The following DPYD variants were observed in gnomAD, a reference collection of about 807,000 sequenced individuals.
DPYD encodes the protein dihydropyrimidine dehydrogenase.
Under a neutral mutation model 116.2 loss-of-function variants are expected in DPYD, and 109 were observed. The ratio of observed to expected loss-of-function variants is 0.94; its 90% CI spans 0.80 to 1.10. DPYD has a LOEUF of 1.10. Ranked by LOEUF, DPYD falls within the 50% of genes least tolerant of loss-of-function variation. The probability of loss-of-function intolerance (pLI) is 0.00; values close to 1 mark genes in which losing one functional copy is unlikely to be tolerated. For synonymous variants in DPYD, 440 were observed against 432.0 expected (o/e 1.02, Z -0.23); for missense variants, 1,302 against 1,254.5 (o/e 1.04, Z -0.57).
At chr1:97,220,438 T>C (rs77658523) in intron 19 of DPYD, among the ~76,000 whole-genome samples, 3,294 of 152,198 alleles carry the variant, frequency 0.022, 98 homozygotes, top group African/African-American at 0.057. Flanking sequence ...TTGCCCAGCT[T>C]TGAGTATTCT....
chr1:97,543,763 AT>A (rs2102063519), intron 12 of DPYD, among the ~76,000 whole-genome samples: 1 of 152,292 alleles, frequency 6.6e-6, no homozygotes, highest in East Asian at 1.9e-4. Context: ...ATTTCTGCAT[AT>A]TTTTCCTATG....
In DPYD at chr1:97,693,321, A is replaced by G. The variant is rs1484560663; in HGVS notation, c.681-1523T>C. Among the ~76,000 whole-genome samples, 95 of 149,170 alleles carry G rather than the reference A, an allele frequency of 6.4e-4. 4 individuals are homozygous for G. Among genetic ancestry groups the G allele is most frequent in the Admixed American group, 4.1e-3 (62 of 14,976 alleles). On this transcript the variant is annotated intron_variant, in intron 6 of 22. Transcript: ENST00000370192. ...AAAAAAAAAAAAAAAAAAAAAACCAAAAAAGAAAATGCAAGGTATCAAACA... is the reference window on the plus strand; with the variant it reads ...AAAAAAAAAAAAAAAAAAAAAACCAGAAAAGAAAATGCAAGGTATCAAACA...
intron 12 of DPYD, among the ~76,000 whole-genome samples, chr1:97,537,093 G>A (rs6668162): frequency 0.025 from 3,865 of 152,200 alleles, 165 homozygotes; most frequent in African/African-American, 0.089. Flanking sequence ...ATTTAAAGTT[G>A]GGACTGAAGG....
rs552760774 is a variant in DPYD, at chr1:97,229,386, A to G, written c.2442+5466T>C. ...TAATAATATTCAACAGCTTAAAACT[A>G]TACTGAACGAAAGGTTAGGTTAACC... On this transcript the variant is annotated intron_variant, in intron 19 of 22. Transcript: ENST00000370192. 1.6e-3 allele frequency among the ~76,000 whole-genome samples: 241 copies of G among 150,408 alleles called. 1 individual carries two copies. The highest frequency in any genetic ancestry group is 5.7e-3 in the African/African-American group (234 of 41,196).
intron 20 of DPYD, among the ~76,000 whole-genome samples, chr1:97,165,977 T>C (rs1321717972): frequency 6.6e-6 from 1 of 151,910 alleles, no homozygotes; most frequent in South Asian, 2.1e-4. Context: ...ACTGTTGGTG[T>C]GAGTGTCAAT....
At chr1:97,153,755 G>A (rs1005802685) in intron 20 of DPYD, among the ~76,000 whole-genome samples, 7 of 151,876 alleles carry the variant, frequency 4.6e-5, no homozygotes, top group Non-Finnish European at 8.8e-5. Context: ...TACATCCAAC[G>A]AAGGACTAAT....
In DPYD at chr1:97,374,718, GAAAAAAAAAAAAAA is replaced by G. The variant is rs144889184; in HGVS notation, c.1975-1088_1975-1075del. Among the ~76,000 whole-genome samples the G allele has an allele frequency of 2.7e-4, 14 of 52,610 alleles. 2 individuals are homozygous for G. The highest frequency in any genetic ancestry group is 8.8e-4 in the East Asian group (1 of 1,136). 34.5% of individuals were successfully genotyped at this position (52,610 alleles called of 152,430 possible). A position where few individuals can be genotyped will look rare whatever the true frequency, so the allele number is the denominator to read the frequency against. On this transcript the variant is annotated intron_variant, in intron 15 of 22. Transcript: ENST00000370192. The stretch of plus-strand genomic sequence containing the variant: ...TGGGAAAGAGCAAGACTCCGTCTCA[GAAAAAAAAAAAAAA>G]AAAAAAAAAAAAAAAAAGTTATTAT...
intron 1 of DPYD, 105 bp from the exon 2 acceptor site, chr1:97,883,479 C>T (rs1672330203): frequency 2.3e-6 from 2 of 876,794 alleles, no homozygotes; most frequent in Non-Finnish European, 1.8e-6. Flanking sequence ...GTCTCTCTCA[C>T]TTTGTCACCC....
intron 3 of DPYD, among the ~76,000 whole-genome samples, chr1:97,813,453 C>A (rs1380507961): frequency 6.6e-6 from 1 of 152,016 alleles, no homozygotes; most frequent in Non-Finnish European, 1.5e-5. Context: ...TATTGTAAAT[C>A]ATTTTTCTTT....
rs1233248335 is a variant in DPYD at position 97,081,561 on chromosome 1, TA to T, written c.2907+768del. Among the ~76,000 whole-genome samples, 7 of 152,026 alleles carry T rather than the reference TA, an allele frequency of 4.6e-5. No homozygotes were observed. The East Asian group carries it at 1.3e-3, about 29-fold the overall frequency. ...AAAGTCATAGTTGTGCCAAACTCTT[TA>T]AAAAATAGCAGGTTATAAATATATA... On this transcript the variant is annotated intron_variant, in intron 22 of 22. Coordinates refer to ENST00000370192, the MANE Select transcript of DPYD (RefSeq NM_000110.4).
At chr1:97,527,878 A>T (rs1649271289) in intron 12 of DPYD, among the ~76,000 whole-genome samples, 1 of 152,078 alleles carries the variant, frequency 6.6e-6, no homozygotes, top group Non-Finnish European at 1.5e-5. Flanking sequence ...ATTGAAGAAG[A>T]AATCACCATC....
intron 16 of DPYD, among the ~76,000 whole-genome samples, chr1:97,354,199 T>C (rs1165865578): frequency 6.6e-6 from 1 of 152,184 alleles, no homozygotes; most frequent in East Asian, 1.9e-4. Flanking sequence ...TCCAGAACCG[T>C]TCGCCATTTG....
At chr1:97,579,918 G>T (rs1653524735) in intron 10 of DPYD, among the ~76,000 whole-genome samples, 1 of 152,152 alleles carries the variant, frequency 6.6e-6, no homozygotes, top group Non-Finnish European at 1.5e-5. Context: ...TCCATATTCA[G>T]GAAAGATATG....
At chr1:97,894,229 C>T (rs1672935805) in intron 1 of DPYD, among the ~76,000 whole-genome samples, 1 of 151,720 alleles carries the variant, frequency 6.6e-6, no homozygotes, top group African/African-American at 2.4e-5. Context: ...TGAGAGAAAG[C>T]TCTCTGTAGT....
At chr1:97,092,995 T>G (rs879686237) in intron 21 of DPYD, among the ~76,000 whole-genome samples, 2 of 152,124 alleles carry the variant, frequency 1.3e-5, no homozygotes, top group African/African-American at 2.4e-5. Context: ...ACCTGAAATA[T>G]TCTCAGTTCC....
chr1:97,399,397 T>C (rs868276778), intron 14 of DPYD, among the ~76,000 whole-genome samples: 1 of 152,224 alleles, frequency 6.6e-6, no homozygotes, highest in Non-Finnish European at 1.5e-5. Flanking sequence ...TCCAGCTTCG[T>C]TCTTTTGGCT....
At chr1:97,118,974 T>A (rs1010543961) in intron 20 of DPYD, among the ~76,000 whole-genome samples, 8 of 152,170 alleles carry the variant, frequency 5.3e-5, no homozygotes, top group Admixed American at 2.0e-4. Flanking sequence ...TATAATAATA[T>A]TTAGTGACAA....
chr1:97,306,370 C>A, intron 16 of DPYD, 73 bp from the exon 17 acceptor site: 1 of 1,595,560 alleles, frequency 6.3e-7, no homozygotes, highest in African/African-American at 1.3e-5. Context: ...GGAACAACAG[C>A]AAAGCTGGAG....
chr1:97,894,133 C>T (rs1008087067), intron 1 of DPYD, among the ~76,000 whole-genome samples: 3 of 151,700 alleles, frequency 2.0e-5, no homozygotes, highest in South Asian at 2.1e-4. Flanking sequence ...CAATTTGGTT[C>T]CAGGTAAGAA....
Sources: allele counts gnomAD v4.1 joint callset (sites outside exome capture counted in the v4.1 genomes callset), GRCh38; gene constraint gnomAD v4.1.1; transcripts MANE v1.5; gene names NCBI Gene and HGNC (gene_info 2026-07-23, HGNC 2026-07-21).